Variants in KCNH4 observed in about 807,000 individuals in gnomAD.
KCNH4 encodes potassium voltage-gated channel subfamily H member 4.
A neutral mutation model predicts 90.7 loss-of-function variants in KCNH4; 33 were observed. The observed-to-expected ratio is 0.36, with a 90% CI of 0.28 to 0.49. The LOEUF is 0.49. KCNH4 is among the 20% of genes least tolerant of loss of function. KCNH4 has a pLI of 0.98. For missense variants in KCNH4, 1,044 were observed against 1,387.1 expected, an observed-to-expected ratio of 0.75 and a Z score of 3.93; for synonymous variants, 551 against 581.7, an observed-to-expected ratio of 0.95 and a Z score of 0.76.
rs138698929 is a variant in KCNH4, at chr17:42,176,097, G to A, written c.786C>T (p.His262=). Residue 262 remains histidine, a synonymous_variant, in exon 5 of 17, where the codon CAC becomes CAT. Coordinates refer to ENST00000264661, the MANE Select transcript of KCNH4 (RefSeq NM_012285.3). Reference sequence around the variant, plus strand: ...CCACGGCGATGTCGCTGACAAGGGTGTGTCGCGAAGTGATGGGGGTGTCAT... The same window carrying A: ...CCACGGCGATGTCGCTGACAAGGGTATGTCGCGAAGTGATGGGGGTGTCAT... ...GDDDTPITSR[H]TLVSDIAVEM... 2.4e-5 allele frequency: 38 copies of A among 1,612,834 alleles called. No homozygotes were observed. The African/African-American group carries it at 3.6e-4, about 15-fold the overall frequency.
At position 42,176,130 on chromosome 17, in the gene KCNH4, C is replaced by T. The variant is rs2079859205; in HGVS notation, c.753G>A (p.Ser251=). ...AAGTGATGGGGGTGTCATCGTCACC[C>T]GAGAAACAGACATTGTAGGGGACGG... The part of the protein sequence containing the change: ...AVTVPYNVCF[S]GDDDTPITSR... Residue 251 remains serine (S), a synonymous_variant, in exon 5 of 17, where the codon TCG becomes TCA. Transcript: ENST00000264661. 6.2e-7 allele frequency: 1 copy of T among 1,613,774 alleles called. No individual in the cohort carries two copies. The highest frequency in any genetic ancestry group is 8.5e-7 in the Non-Finnish European group (1 of 1,179,900).
At position 42,163,420 on chromosome 17, in the gene KCNH4, T is replaced by C; in HGVS notation, c.2478-86A>G. 1 of 1,012,536 alleles carries C rather than the reference T, an allele frequency of 9.9e-7. No individual in the cohort carries two copies. Among genetic ancestry groups the C allele is most frequent in the African/African-American group, 1.6e-5 (1 of 62,850 alleles). 62.7% of individuals were successfully genotyped at this position (1,012,536 alleles called of 1,614,324 possible). ...GACAGAGGGGGACTGGGGGCAGCAGTGCCAGGGGGCGGAGCAAGAGCAGCA... is the reference window on the plus strand; with the variant it reads ...GACAGAGGGGGACTGGGGGCAGCAGCGCCAGGGGGCGGAGCAAGAGCAGCA... On this transcript the variant is annotated intron_variant, in intron 13 of 16. Coordinates refer to ENST00000264661, the MANE Select transcript of KCNH4 (RefSeq NM_012285.3). This position sits in a 1 kb window ranked among gnomAD's most constrained non-coding sequence, Gnocchi z 5.4.
chr17:42,170,056 G>T (rs1203356547), intron 8 of KCNH4, 51 bp downstream of exon 8: 4 of 1,514,942 alleles, frequency 2.6e-6, no homozygotes, highest in Admixed American at 4.2e-5. Flanking sequence ...GTTTCCCCGT[G>T]CATGCTGGGC....
rs2079890315 is a variant in KCNH4 at position 42,180,046 on chromosome 17, CCTT to C, written c.76+821_76+823del. ...AGGCACTGGGCTCTGGGCACAGCCTCCTTCTTCCATCCCAGGGCCTGTTGCCCC... is the reference window on the plus strand; with the variant it reads ...AGGCACTGGGCTCTGGGCACAGCCTCCTTCCATCCCAGGGCCTGTTGCCCC... On this transcript the variant is annotated intron_variant, in intron 1 of 16. Coordinates refer to ENST00000264661, the MANE Select transcript of KCNH4 (RefSeq NM_012285.3). The surrounding 1 kb of genome is among the most constrained non-coding windows in gnomAD (Gnocchi z 4.7). Among the ~76,000 whole-genome samples, 1 of 152,230 alleles carries C rather than the reference CCTT, an allele frequency of 6.6e-6. No homozygotes were observed. The highest frequency in any genetic ancestry group is 2.1e-4 in the South Asian group (1 of 4,836).
rs2079894982 is a variant in KCNH4, at chr17:42,180,646, T to A, written c.76+224A>T. On this transcript the variant is annotated intron_variant, in intron 1 of 16. Coordinates refer to ENST00000264661, the MANE Select transcript of KCNH4 (RefSeq NM_012285.3). This position sits in a 1 kb window ranked among gnomAD's most constrained non-coding sequence, Gnocchi z 4.7. The stretch of plus-strand genomic sequence containing the variant: ...CACAAAGAGCCTCTTCTGCCTCGAG[T>A]CACACCCCCTAACCTTGGCCCCCGT... Among the ~76,000 whole-genome samples the A allele has an allele frequency of 6.6e-6, 1 of 151,418 alleles. No individual in the cohort carries two copies. The highest frequency in any genetic ancestry group is 2.4e-5 in the African/African-American group (1 of 41,160).
intron 12 of KCNH4, 47 bp from the exon 13 acceptor site, chr17:42,164,005 A>G: frequency 6.7e-7 from 1 of 1,497,274 alleles, no homozygotes; most frequent in Non-Finnish European, 9.0e-7. Context: ...TGAACAACAG[A>G]CCCCTTCATT....
rs759619099 is a variant in KCNH4, at chr17:42,166,415, G to A, written c.1722C>T (p.Thr574=). ...GGTACTCGCCCGGAGCGCAGAACGA[G>A]GTCTTGATGTGCAGCGATAGGGCCC... ...CLRALSLHIK[T]SFCAPGEYLL... Residue 574 remains threonine, a synonymous_variant, in exon 10 of 17, where the codon ACC becomes ACT. Coordinates refer to ENST00000264661, the MANE Select transcript of KCNH4 (RefSeq NM_012285.3). 6.2e-7 allele frequency: 1 copy of A among 1,614,102 alleles called. No individual in the cohort carries two copies. Among genetic ancestry groups the A allele is most frequent in the African/African-American group, 1.3e-5 (1 of 75,038 alleles).
rs1442576490 is a variant in KCNH4 at position 42,165,550 on chromosome 17, G to C, written c.1984C>G (p.Leu662Val). The change falls in exon 11 of 17, where the codon CTG becomes GTG. Residue 662 changes from leucine (L) to valine (V), a missense_variant. Physicochemically the swap from Leu to Val is conservative, Grantham distance 32. Transcript: ENST00000264661. ...CGLQQLSSRG[L>V]AEVLRLYPEY... Reference sequence around the variant, plus strand: ...GGATAGAGCCTCAGGACCTCAGCCAGCCCTCGGCTGCTCAGCTGCTGCAGG... The same window carrying C: ...GGATAGAGCCTCAGGACCTCAGCCACCCCTCGGCTGCTCAGCTGCTGCAGG... 6.2e-7 allele frequency: 1 copy of C among 1,614,216 alleles called. No individual in the cohort carries two copies. Among genetic ancestry groups the C allele is most frequent in the Admixed American group, 1.7e-5 (1 of 60,028 alleles).
In KCNH4 at chr17:42,164,152, G is replaced by C. The variant is rs1568032383; in HGVS notation, c.2102C>G (p.Ser701Cys). Reference protein sequence around the residue: ...GSDTSGLSRFSRSPRLSQPRS... With the variant: ...GSDTSGLSRFCRSPRLSQPRS... ...TACCTGGGAGAGGCGAGGGGATCGG[G>C]AAAAGCGGCTGAGGCCCTGTGGGGA... Residue 701 changes from serine to cysteine, a missense_variant, in exon 12 of 17, where the codon TCC (serine) becomes TGC (cysteine). Ser to Cys is a moderately radical substitution (Grantham distance 112). This residue lies in a region of KCNH4 where 441 missense variants were observed against 512.3 expected (regional missense o/e 0.86). Transcript: ENST00000264661. 1 of 1,552,710 alleles carries C rather than the reference G, an allele frequency of 6.4e-7. No homozygotes were observed. The highest frequency in any genetic ancestry group is 8.7e-7 in the Non-Finnish European group (1 of 1,147,490).
chr17:42,166,603 A>G, intron 9 of KCNH4, 57 bp from the exon 10 acceptor site: 1 of 1,562,546 alleles, frequency 6.4e-7, no homozygotes, highest in South Asian at 1.2e-5. Context: ...ACTTGAGTCT[A>G]CAAATGTGCT....
At position 42,180,817 on chromosome 17, in the gene KCNH4, A is replaced by T. The variant is rs1598280398; in HGVS notation, c.76+53T>A. 1.3e-6 allele frequency: 2 copies of T among 1,557,096 alleles called. No individual in the cohort carries two copies. Among genetic ancestry groups the T allele is most frequent in the East Asian group, 4.5e-5 (2 of 44,334 alleles). ...GTCCAGGAGATCCGAGACGGCCCCG[A>T]GGATACTTGCCCCCCAGCTCGAACC... On this transcript the variant is annotated intron_variant, in intron 1 of 16. Coordinates refer to ENST00000264661, the MANE Select transcript of KCNH4 (RefSeq NM_012285.3). This position sits in a 1 kb window ranked among gnomAD's most constrained non-coding sequence, Gnocchi z 4.7.
intron 10 of KCNH4, 116 bp from the exon 11 acceptor site, chr17:42,165,809 G>C (rs755640561): frequency 6.4e-6 from 8 of 1,253,240 alleles, no homozygotes; most frequent in Non-Finnish European, 7.9e-6. Flanking sequence ...GTTGAAGGTG[G>C]GCCAGTCAAT....
Position 42,178,358 on chromosome 17 carries a change from G to C in KCNH4, c.430C>G (p.Gln144Glu). 6.2e-7 allele frequency: 1 copy of C among 1,614,204 alleles called. No individual in the cohort carries two copies. The highest frequency in any genetic ancestry group is 8.5e-7 in the Non-Finnish European group (1 of 1,180,040). ...TGATTACTGTCCCCGCGGCCTCCTT[G>C]GGGGCCAAGTCCTGGGCTTCCACTC... Reference protein sequence around the residue: ...TQSGSPGLGPQGGRGDSNHEN... With the variant: ...TQSGSPGLGPEGGRGDSNHEN... The change falls in exon 3 of 17, where the codon CAA becomes GAA. Residue 144 changes from glutamine to glutamate, a missense_variant. By Grantham distance (29) the Gln-to-Glu change is conservative (BLOSUM62 2). Transcript: ENST00000264661.
chr17:42,161,088 G>A (rs117199298), intron 15 of KCNH4, among the ~76,000 whole-genome samples: 8,370 of 151,886 alleles, frequency 0.055, 337 homozygotes, highest in Non-Finnish European at 0.082. Context: ...CACCACGCCC[G>A]GCTAATTTTT....
intron 11 of KCNH4, 84 bp downstream of exon 11, chr17:42,165,365 A>C: frequency 1.3e-6 from 2 of 1,530,368 alleles, no homozygotes; most frequent in South Asian, 2.4e-5. Flanking sequence ...GGGTGGAGGG[A>C]GGTTCATGGG....
chr17:42,160,061 G>A lies in KCNH4; in HGVS notation c.3033C>T (p.Ser1011=). The stretch of plus-strand genomic sequence containing the variant: ...AGGGTCAGTGGAACGTGTCTGACCT[G>A]GACTGGAAACTGTGCCTCAAGAGGC... ...TPSLLRHSFQ[S]RSDTFH The change falls in exon 16 of 17, where the codon TCC becomes TCT. Residue 1011 remains serine (S), a synonymous_variant. Coordinates refer to ENST00000264661, the MANE Select transcript of KCNH4 (RefSeq NM_012285.3). The A allele has an allele frequency of 6.5e-7, 1 of 1,544,552 alleles. No homozygotes were observed. Among genetic ancestry groups the A allele is most frequent in the African/African-American group, 1.4e-5 (1 of 73,144 alleles).
At position 42,163,868 on chromosome 17, in the gene KCNH4, T is replaced by C. The variant is rs2079767172; in HGVS notation, c.2215A>G (p.Arg739Gly). 6.6e-7 allele frequency: 1 copy of C among 1,522,008 alleles called. No homozygotes were observed. The highest frequency in any genetic ancestry group is 8.8e-7 in the Non-Finnish European group (1 of 1,133,580). 94.3% of individuals were successfully genotyped at this position (1,522,008 alleles called of 1,614,324 possible). Residue 739 changes from arginine (R) to glycine (G), a missense_variant, in exon 13 of 17, where the codon AGG becomes GGG. Around this residue, in one of 4 missense-constraint regions of KCNH4, gnomAD observed 441 missense variants for 512.3 expected, o/e 0.86. Transcript: ENST00000264661. This position sits in a 1 kb window ranked among gnomAD's most constrained non-coding sequence, Gnocchi z 5.4. ...GGCAGCAGGAGGGGCCGTCGGGGCC[T>C]GGGACCACCCCCAGGCTCCGCGCCA... ...ESGAEPGGGP[R>G]PRRPLLLPNL...
In KCNH4 at chr17:42,171,026, G is replaced by A. The variant is rs866869495; in HGVS notation, c.1196-725C>T. On this transcript the variant is annotated intron_variant, in intron 7 of 16. Transcript: ENST00000264661. Reference sequence around the variant, plus strand: ...GTGGGGAGAGAAGGGGCACAGGGCCGCCCAGGGTGTGCAGTGAGTGTGGAC... The same window carrying A: ...GTGGGGAGAGAAGGGGCACAGGGCCACCCAGGGTGTGCAGTGAGTGTGGAC... Among the ~76,000 whole-genome samples the A allele has an allele frequency of 4.6e-5, 7 of 152,282 alleles. No individual in the cohort carries two copies. In the South Asian group the frequency reaches 8.3e-4, roughly 18 times the overall value.
chr17:42,171,693 T>C (rs2079827782), intron 7 of KCNH4, 95 bp downstream of exon 7: 4 of 1,058,416 alleles, frequency 3.8e-6, no homozygotes, highest in Non-Finnish European at 5.9e-6. Flanking sequence ...GATAGAGGAA[T>C]GTGGGATGAG....
Sources: gnomAD v4.1 joint callset for allele counts (sites outside exome capture counted in the v4.1 genomes callset) on GRCh38, gnomAD v4.1.1 for gene constraint, gnomAD v4.1.1 regional missense constraint, Gnocchi (gnomAD v3.1) non-coding constraint, MANE v1.5 for transcripts, NCBI Gene and HGNC (gene_info 2026-07-23, HGNC 2026-07-21) for gene names.